The following PIK3CG variants were observed in gnomAD, a reference collection of about 807,000 sequenced individuals.
PIK3CG encodes phosphatidylinositol-4,5-bisphosphate 3-kinase catalytic subunit gamma, also known as phosphatidylinositol 4,5-bisphosphate 3-kinase catalytic subunit gamma isoform.
Under a neutral mutation model 102.3 loss-of-function variants are expected in PIK3CG, and 55 were observed. The ratio of observed to expected loss-of-function variants is 0.54; its 90% CI spans 0.43 to 0.67. The LOEUF is 0.67. PIK3CG is among the 30% of genes least tolerant of loss of function. PIK3CG has a pLI of 0.00. For missense variants in PIK3CG, 1,258 were observed against 1,391.8 expected (o/e 0.90, Z 1.53); for synonymous variants, 552 against 540.0 (o/e 1.02, Z -0.31).
intron 5 of PIK3CG, among the ~76,000 whole-genome samples, chr7:106,875,909 G>GTTTTTTT (rs559463107): frequency 8.1e-6 from 1 of 123,072 alleles, no homozygotes; most frequent in Admixed American, 8.6e-5. Flanking sequence ...TTTTTTTTTT[G>GTTTTTTT]TTTTTTTTTT....
rs987509706 is a variant in PIK3CG, at chr7:106,905,793, C to A, written c.*406C>A. 6 of 259,248 alleles carry A rather than the reference C, an allele frequency of 2.3e-5. No individual in the cohort carries two copies. The East Asian group carries it at 3.5e-4, about 15-fold the overall frequency. 16.1% of individuals were successfully genotyped at this position (259,248 alleles called of 1,614,324 possible). A position where few individuals can be genotyped will look rare whatever the true frequency, so the allele number is the denominator to read the frequency against. The stretch of plus-strand genomic sequence containing the variant: ...TGGTTATCTTTGTGTTCCTCAAGCT[C>A]TTTAAAGAAAAAGATGTAATCGTTG... On this transcript the variant is annotated 3_prime_UTR_variant, in exon 11 of 11. Transcript: ENST00000496166. This position sits in a 1 kb window ranked among gnomAD's most constrained non-coding sequence, Gnocchi z 5.6.
In PIK3CG at chr7:106,893,050, G is replaced by A. The variant is rs1047435699; in HGVS notation, c.3030+6758G>A. Among the ~76,000 whole-genome samples, 1 of 152,110 alleles carries A rather than the reference G, an allele frequency of 6.6e-6. No homozygotes were observed. Among genetic ancestry groups the A allele is most frequent in the Non-Finnish European group, 1.5e-5 (1 of 68,038 alleles). ...GGCTGGATTAGAGAGGTGGAGGGTA[G>A]AGCAAAGCAAAGAAGTCATTTGGAG... On this transcript the variant is annotated intron_variant, in intron 10 of 10. Coordinates refer to ENST00000496166, the MANE Select transcript of PIK3CG (RefSeq NM_001282426.2). The surrounding 1 kb of genome is among the most constrained non-coding windows in gnomAD (Gnocchi z 4.4).
chr7:106,882,055 G>A (rs1790955378), intron 6 of PIK3CG, 62 bp from the exon 7 acceptor site: 1 of 654,036 alleles, frequency 1.5e-6, no homozygotes, highest in Non-Finnish European at 2.2e-6. Context: ...TTTTAAGGGA[G>A]AAGAAAAATA....
rs1290371939 is a variant in PIK3CG at position 106,894,886 on chromosome 7, A to G, written c.3030+8594A>G. Among the ~76,000 whole-genome samples, 6 of 152,242 alleles carry G rather than the reference A, an allele frequency of 3.9e-5. No homozygotes were observed. The highest frequency in any genetic ancestry group is 1.4e-4 in the African/African-American group (6 of 41,472). On this transcript the variant is annotated intron_variant, in intron 10 of 10. Coordinates refer to ENST00000496166, the MANE Select transcript of PIK3CG (RefSeq NM_001282426.2). This position sits in a 1 kb window ranked among gnomAD's most constrained non-coding sequence, Gnocchi z 4.4. The stretch of plus-strand genomic sequence containing the variant: ...AGTTTAGTGAACTGATAGTTGGGGC[A>G]GTTAGCAAATCAAGTAAAAGTTTGG...
intron 5 of PIK3CG, among the ~76,000 whole-genome samples, chr7:106,876,435 A>C (rs1006383975): frequency 1.4e-5 from 2 of 147,284 alleles, no homozygotes; most frequent in Admixed American, 6.8e-5. Flanking sequence ...TCTGTCGCCC[A>C]GGGTGGAGTG....
intron 10 of PIK3CG, among the ~76,000 whole-genome samples, chr7:106,887,928 C>T (rs1584339045): frequency 1.5e-5 from 2 of 135,592 alleles, no homozygotes; most frequent in African/African-American, 2.7e-5. Flanking sequence ...TCATTGACGA[C>T]TCTCCTTTTT....
intron 10 of PIK3CG, among the ~76,000 whole-genome samples, chr7:106,889,998 C>A (rs1791226833): frequency 6.6e-6 from 1 of 152,090 alleles, no homozygotes; most frequent in Non-Finnish European, 1.5e-5. Context: ...GAAAAATCTC[C>A]CTTATGGGAG....
rs1256741264 is a variant in PIK3CG, at chr7:106,907,667, TG to T, written c.*2282del. On this transcript the variant is annotated 3_prime_UTR_variant, in exon 11 of 11. Transcript: ENST00000496166. ...AGGAATACATTTATATTTAGCTTAT[TG>T]GCACATGTGCATACATATTTCCTCT... is the stretch of plus-strand genomic sequence containing the variant. Among the ~76,000 whole-genome samples, 1 of 149,322 alleles carries T rather than the reference TG, an allele frequency of 6.7e-6. No homozygotes were observed. Among genetic ancestry groups the T allele is most frequent in the African/African-American group, 2.4e-5 (1 of 40,984 alleles).
In PIK3CG at chr7:106,883,287, T is replaced by C. The variant is rs544193682; in HGVS notation, c.2760+124T>C. On this transcript the variant is annotated intron_variant, in intron 8 of 10. Transcript: ENST00000496166. This position sits in a 1 kb window ranked among gnomAD's most constrained non-coding sequence, Gnocchi z 5.8. ...CCTCCTGACATATTAGTGAAGTTTT[T>C]TACTTGTGAAATAATGGAGGTTTTA... 1.9e-5 allele frequency: 19 copies of C among 1,007,220 alleles called. No individual in the cohort carries two copies. The South Asian group carries it at 2.8e-4, about 15-fold the overall frequency. 62.4% of individuals were successfully genotyped at this position (1,007,220 alleles called of 1,614,324 possible). A position where few individuals can be genotyped will look rare whatever the true frequency, so the allele number is the denominator to read the frequency against.
intron 5 of PIK3CG, among the ~76,000 whole-genome samples, chr7:106,875,546 TCA>T (rs1790698469): frequency 6.6e-6 from 1 of 152,226 alleles, no homozygotes; most frequent in African/African-American, 2.4e-5. Flanking sequence ...CTACTTTCTA[TCA>T]TAAAATGCCT....
intron 10 of PIK3CG, among the ~76,000 whole-genome samples, chr7:106,898,771 TG>T (rs1335314629): frequency 6.6e-6 from 1 of 151,680 alleles, no homozygotes; most frequent in Non-Finnish European, 1.5e-5. Flanking sequence ...ATGCTGTTTT[TG>T]TAGCCTTGTA....
intron 10 of PIK3CG, 131 bp from the exon 11 acceptor site, chr7:106,904,978 A>T (rs1791650345): frequency 2.6e-6 from 2 of 765,112 alleles, no homozygotes; most frequent in East Asian, 4.9e-5. Flanking sequence ...TTTTCATCTG[A>T]GGCAGGGACC....
Position 106,869,558 on chromosome 7 carries a change from T to G in PIK3CG, c.1995+2T>G. The G allele has an allele frequency of 6.3e-7, 1 of 1,592,622 alleles. No homozygotes were observed. The highest frequency in any genetic ancestry group is 8.6e-7 in the Non-Finnish European group (1 of 1,167,578). On this transcript the variant is annotated splice_donor_variant, in intron 2 of 10. Transcript: ENST00000496166. LOFTEE classifies it high-confidence loss of function. This position sits in a 1 kb window ranked among gnomAD's most constrained non-coding sequence, Gnocchi z 5.3. ...CATTACCTTCTACAATTGGTCCAGG[T>G]AGGGGATGTTGGTGTTATCAATGGA...
At chr7:106,881,572 C>G (rs1790935637) in intron 6 of PIK3CG, among the ~76,000 whole-genome samples, 1 of 152,170 alleles carries the variant, frequency 6.6e-6, no homozygotes, top group Non-Finnish European at 1.5e-5. Flanking sequence ...ATTGGCCAAG[C>G]ATGGTGGCTC....
At chr7:106,886,647 TTAGC>T (rs1791103184) in intron 10 of PIK3CG, among the ~76,000 whole-genome samples, 1 of 152,214 alleles carries the variant, frequency 6.6e-6, no homozygotes, top group South Asian at 2.1e-4. Context: ...ATTCAAGACC[TTAGC>T]TAGAAGACTC....
At chr7:106,873,634 A>G (rs1388930483) in intron 4 of PIK3CG, among the ~76,000 whole-genome samples, 2 of 152,122 alleles carry the variant, frequency 1.3e-5, no homozygotes, top group African/African-American at 2.4e-5. Context: ...ATTTTATATC[A>G]GGGGCTTGAG....
At chr7:106,886,898 A>G in intron 10 of PIK3CG, among the ~76,000 whole-genome samples, 1 of 152,112 alleles carries the variant, frequency 6.6e-6, no homozygotes, top group East Asian at 1.9e-4. Flanking sequence ...GAGAGTGTGT[A>G]GATCAGGGGA....
In PIK3CG at chr7:106,868,270, C is replaced by T. The variant is rs2116435474; in HGVS notation, c.709C>T (p.Pro237Ser). ...CACCAGCCAGACCATTAAGGTCTCA[C>T]CCGACGACACCCCCGGCGCCATCCT... ...STTSQTIKVS[P>S]DDTPGAILQS... The change falls in exon 2 of 11, where the codon CCC (proline) becomes TCC (serine). Residue 237 changes from proline (P) to serine (S), a missense_variant. Physicochemically the swap from Pro to Ser is moderately conservative, Grantham distance 74. Around this residue, in one of 2 missense-constraint regions of PIK3CG, gnomAD observed 832 missense variants for 787.5 expected, o/e 1.06. Transcript: ENST00000496166. This position sits in a 1 kb window ranked among gnomAD's most constrained non-coding sequence, Gnocchi z 6.2. 6.2e-7 allele frequency: 1 copy of T among 1,613,872 alleles called. No homozygotes were observed. The highest frequency in any genetic ancestry group is 2.2e-5 in the East Asian group (1 of 44,872).
In PIK3CG at chr7:106,902,327, C is replaced by T. The variant is rs1368983769; in HGVS notation, c.3031-2782C>T. Among the ~76,000 whole-genome samples the T allele has an allele frequency of 6.6e-6, 1 of 152,108 alleles. No homozygotes were observed. The highest frequency in any genetic ancestry group is 2.4e-5 in the African/African-American group (1 of 41,422). On this transcript the variant is annotated intron_variant, in intron 10 of 10. Coordinates refer to ENST00000496166, the MANE Select transcript of PIK3CG (RefSeq NM_001282426.2). This position sits in a 1 kb window ranked among gnomAD's most constrained non-coding sequence, Gnocchi z 4.3. Reference sequence around the variant, plus strand: ...CTCTCCTTGGGTCAGCTGCAGCTTGCTGGAGGTGTAAAATCACCCTTTCTA... The same window carrying T: ...CTCTCCTTGGGTCAGCTGCAGCTTGTTGGAGGTGTAAAATCACCCTTTCTA...
Sources: allele counts gnomAD v4.1 joint callset (sites outside exome capture counted in the v4.1 genomes callset), GRCh38; gene constraint gnomAD v4.1.1; regional missense constraint gnomAD v4.1.1; non-coding constraint Gnocchi (gnomAD v3.1); transcripts MANE v1.5; gene names NCBI Gene and HGNC (gene_info 2026-07-23, HGNC 2026-07-21).